Variants in RSPO2 observed in about 807,000 individuals in gnomAD.
The protein encoded by RSPO2 is R-spondin-2.
Under a neutral mutation model 30.9 loss-of-function variants are expected in RSPO2, and 14 were observed. The observed-to-expected ratio is 0.45, with a 90% CI of 0.30 to 0.71. RSPO2 has a LOEUF of 0.71. RSPO2 is among the 30% of genes least tolerant of loss of function. RSPO2 has a pLI of 0.08. For missense variants in RSPO2, 264 were observed against 301.9 expected (o/e 0.87, Z 0.93); for synonymous variants, 107 against 96.4 (o/e 1.11, Z -0.64).
intron 5 of RSPO2, among the ~76,000 whole-genome samples, chr8:107,906,421 A>G (rs1423302723): frequency 1.9e-5 from 2 of 104,664 alleles, no homozygotes; most frequent in African/African-American, 5.9e-5. Context: ...TTAAGTAATA[A>G]CAATTAACTT....
intron 2 of RSPO2, chr8:108,072,908 C>G (rs988668762): frequency 2.6e-5 from 4 of 152,140 alleles, no homozygotes; most frequent in African/African-American, 9.7e-5. Flanking sequence ...TTGGGCAACT[C>G]CAAATTTCAC....
At chr8:108,052,029 T>C (rs1002128040) in intron 2 of RSPO2, among the ~76,000 whole-genome samples, 1 of 152,184 alleles carries the variant, frequency 6.6e-6, no homozygotes, top group Non-Finnish European at 1.5e-5. Flanking sequence ...ATAATAACTA[T>C]GAAAACATTT....
At chr8:108,004,708 T>C (rs1472329102) in intron 2 of RSPO2, among the ~76,000 whole-genome samples, 1 of 152,222 alleles carries the variant, frequency 6.6e-6, no homozygotes, top group East Asian at 1.9e-4. Context: ...TATAGACATG[T>C]AGGTTTATAC....
At chr8:107,948,818 C>T (rs1039281924) in intron 5 of RSPO2, among the ~76,000 whole-genome samples, 5 of 151,438 alleles carry the variant, frequency 3.3e-5, no homozygotes, top group Admixed American at 1.3e-4. Context: ...CAATATCACA[C>T]CACTGTGCTC....
chr8:107,974,726 G>T (rs188437923), intron 3 of RSPO2, among the ~76,000 whole-genome samples: 1 of 151,834 alleles, frequency 6.6e-6, no homozygotes, highest in African/African-American at 2.4e-5. Context: ...AAGCAGGGAG[G>T]GGGGAAGAAG....
chr8:108,062,965 T>C (rs1005311100), intron 2 of RSPO2, among the ~76,000 whole-genome samples: 3 of 151,814 alleles, frequency 2.0e-5, no homozygotes, highest in Non-Finnish European at 4.4e-5. Flanking sequence ...GAAAAGGACT[T>C]TGACAAAATT....
At chr8:108,069,074 T>C (rs974280064) in intron 2 of RSPO2, among the ~76,000 whole-genome samples, 1 of 152,226 alleles carries the variant, frequency 6.6e-6, no homozygotes, top group Non-Finnish European at 1.5e-5. Context: ...TAGGTAAATA[T>C]TTCTCTTAAT....
rs1812962754 is a variant in RSPO2, at chr8:108,074,851, C to G, written c.94+7694G>C. Among the ~76,000 whole-genome samples, 6 of 152,302 alleles carry G rather than the reference C, an allele frequency of 3.9e-5. No individual in the cohort carries two copies. In the South Asian group the frequency reaches 1.2e-3, roughly 32 times the overall value. Reference sequence around the variant, plus strand: ...CCTTCTGTATACGTCAAACAGGTCCCACTTCATTCAAAGGACAGTGAAATG... The same window carrying G: ...CCTTCTGTATACGTCAAACAGGTCCGACTTCATTCAAAGGACAGTGAAATG... On this transcript the variant is annotated intron_variant, in intron 2 of 5. Transcript: ENST00000276659.
At chr8:108,011,920 C>G (rs576983801) in intron 2 of RSPO2, among the ~76,000 whole-genome samples, 2 of 152,108 alleles carry the variant, frequency 1.3e-5, no homozygotes, top group African/African-American at 4.8e-5. Context: ...AGTAATTAGG[C>G]AAAGTACACA....
chr8:108,035,603 T>C (rs372327591), intron 2 of RSPO2, among the ~76,000 whole-genome samples: 4 of 152,188 alleles, frequency 2.6e-5, no homozygotes, highest in African/African-American at 9.6e-5. Flanking sequence ...CCCGAGTAGC[T>C]GGGACTACAG....
chr8:107,975,833 C>T (rs904871105), intron 3 of RSPO2, among the ~76,000 whole-genome samples: 4 of 152,156 alleles, frequency 2.6e-5, no homozygotes, highest in Non-Finnish European at 5.9e-5. Context: ...CCAAATATAG[C>T]CAGCTGTCTT....
intron 2 of RSPO2, among the ~76,000 whole-genome samples, chr8:108,033,771 G>A (rs1811505359): frequency 1.3e-5 from 2 of 152,156 alleles, no homozygotes; most frequent in Non-Finnish European, 2.9e-5. Context: ...TGGAAAGGAG[G>A]CTGGGCATGC....
At chr8:107,979,341 C>A (rs1814337731) in intron 3 of RSPO2, among the ~76,000 whole-genome samples, 1 of 152,164 alleles carries the variant, frequency 6.6e-6, no homozygotes, top group African/African-American at 2.4e-5. Context: ...CCATGGAATA[C>A]TATGCAGCCA....
intron 2 of RSPO2, among the ~76,000 whole-genome samples, chr8:108,056,623 C>CAAAA (rs56256415): frequency 1.2e-3 from 83 of 71,738 alleles, no homozygotes; most frequent in African/African-American, 3.2e-3. Flanking sequence ...AGACCCGTCT[C>CAAAA]AAAAAAAAAA....
intron 3 of RSPO2, among the ~76,000 whole-genome samples, chr8:107,982,746 T>C (rs1163802590): frequency 6.6e-6 from 1 of 152,118 alleles, no homozygotes; most frequent in Non-Finnish European, 1.5e-5. Flanking sequence ...AACTCTATTG[T>C]TTAAACAGTG....
chr8:108,009,927 T>C (rs866170085), intron 2 of RSPO2, among the ~76,000 whole-genome samples: 1 of 149,748 alleles, frequency 6.7e-6, no homozygotes, highest in Middle Eastern at 3.4e-3. Flanking sequence ...CACACGCTTG[T>C]AGTCCCAGCT....
intron 2 of RSPO2, among the ~76,000 whole-genome samples, chr8:108,057,627 G>T (rs117511430): frequency 2.6e-5 from 4 of 151,832 alleles, no homozygotes; most frequent in African/African-American, 9.7e-5. Flanking sequence ...TGACATCAAT[G>T]GCTGACCCCA....
At chr8:108,051,206 C>T (rs2514843) in intron 2 of RSPO2, among the ~76,000 whole-genome samples, 61,539 of 151,924 alleles carry the variant, frequency 0.41, 13,077 homozygotes, top group East Asian at 0.51. Flanking sequence ...TTTTTAAAAG[C>T]TCATCTAAAT....
chr8:108,001,959 C>T lies in RSPO2; in HGVS notation c.95-12715G>A, dbSNP rs193116667. Reference sequence around the variant, plus strand: ...CATGCCGGGCTTAAAACCTAGAAGACGGATTGATGGGTGCAGCAAACCAAC... The same window carrying T: ...CATGCCGGGCTTAAAACCTAGAAGATGGATTGATGGGTGCAGCAAACCAAC... On this transcript the variant is annotated intron_variant, in intron 2 of 5. Transcript: ENST00000276659. Among the ~76,000 whole-genome samples the T allele has an allele frequency of 5.9e-4, 90 of 152,152 alleles. 2 individuals are homozygous for T. The East Asian group carries it at 9.1e-3, about 15-fold the overall frequency.
Sources: allele counts gnomAD v4.1 joint callset (sites outside exome capture counted in the v4.1 genomes callset), GRCh38; gene constraint gnomAD v4.1.1; transcripts MANE v1.5; gene names NCBI Gene and HGNC (gene_info 2026-07-23, HGNC 2026-07-21).